ZFHX3: variants seen among roughly 807,000 people sequenced by gnomAD.
The protein encoded by ZFHX3 is zinc finger homeobox 3.
Under a neutral mutation model 279.1 loss-of-function variants are expected in ZFHX3, and 42 were observed. That is an observed-to-expected ratio of 0.15 (90% confidence interval 0.12 to 0.19). ZFHX3 has a LOEUF of 0.19. ZFHX3 is among the 10% of genes least tolerant of loss of function. The pLI, the probability that ZFHX3 is intolerant of heterozygous loss-of-function variation, is 1.00. For missense variants in ZFHX3, 4,981 were observed against 4,754.0 expected (o/e 1.05, Z -1.40); for synonymous variants, 2,293 against 1,957.8 (o/e 1.17, Z -4.52).
chr16:73,145,726 G>A (rs967641880), intron 5 of ZFHX3, among the ~76,000 whole-genome samples: 1 of 152,248 alleles, frequency 6.6e-6, no homozygotes, highest in Admixed American at 6.5e-5. Context: ...AGAGCTATGA[G>A]AGGTGATACC....
chr16:72,860,992 C>T (rs1424535912), intron 4 of ZFHX3, among the ~76,000 whole-genome samples: 1 of 152,160 alleles, frequency 6.6e-6, no homozygotes, highest in Non-Finnish European at 1.5e-5. Flanking sequence ...CACCACTTGC[C>T]ACCACTTTTC....
At chr16:73,741,156 G>T (rs2053654278) in intron 1 of ZFHX3, among the ~76,000 whole-genome samples, 1 of 150,568 alleles carries the variant, frequency 6.6e-6, no homozygotes, top group Non-Finnish European at 1.5e-5. Flanking sequence ...TCAGCCTCCT[G>T]AGTAGGTGGG....
Position 73,791,780 on chromosome 16 carries a change from C to T in ZFHX3, c.-1608+99871G>A, listed in dbSNP as rs563605083. Among the ~76,000 whole-genome samples, 7 of 152,268 alleles carry T rather than the reference C, an allele frequency of 4.6e-5. No homozygotes were observed. In the East Asian group the frequency reaches 9.6e-4, roughly 21 times the overall value. On this transcript the variant is annotated intron_variant, in intron 1 of 17. Coordinates refer to the ZFHX3 transcript ENST00000641206. ...ACGCTAATGTTGCAGGTCTGGGAAC[C>T]GCACTTGCAAACCACTGGTTTAGAA... is the stretch of plus-strand genomic sequence containing the variant.
At chr16:73,524,252 G>A (rs1305503055) in intron 2 of ZFHX3, among the ~76,000 whole-genome samples, 1 of 152,124 alleles carries the variant, frequency 6.6e-6, no homozygotes, top group Non-Finnish European at 1.5e-5. Flanking sequence ...CCTATTACTT[G>A]GCTTTCTCCC....
chr16:73,190,157 A>G (rs1967998218), intron 5 of ZFHX3, among the ~76,000 whole-genome samples: 1 of 152,208 alleles, frequency 6.6e-6, no homozygotes, highest in African/African-American at 2.4e-5. Context: ...ACTCACCTTA[A>G]GGAACGCACC....
At chr16:73,395,953 T>G (rs1162471575) in intron 3 of ZFHX3, among the ~76,000 whole-genome samples, 1 of 152,236 alleles carries the variant, frequency 6.6e-6, no homozygotes, top group Non-Finnish European at 1.5e-5. Context: ...GTTATACTTT[T>G]AACAAGGTTT....
intron 2 of ZFHX3, among the ~76,000 whole-genome samples, chr16:73,570,458 A>C (rs980278531): frequency 6.6e-6 from 1 of 152,160 alleles, no homozygotes; most frequent in Non-Finnish European, 1.5e-5. Context: ...TCTAGTTTAG[A>C]CCTTTATATC....
At chr16:73,660,491 TCTGCCA>T (rs2052770034) in intron 2 of ZFHX3, among the ~76,000 whole-genome samples, 3 of 152,234 alleles carry the variant, frequency 2.0e-5, no homozygotes, top group African/African-American at 2.4e-5. Flanking sequence ...CTGCTCCTTC[TCTGCCA>T]CAATTAAGAA....
At chr16:73,591,692 C>CAAA (rs57402211) in intron 2 of ZFHX3, among the ~76,000 whole-genome samples, 920 of 33,410 alleles carry the variant, frequency 0.028, 194 homozygotes, top group Middle Eastern at 0.12. Context: ...GACTCTGTCT[C>CAAA]AAAAAAAAAA....
rs1279076695 is a variant in ZFHX3, at chr16:72,788,001, T to C, written c.10275A>G (p.Lys3425=). Residue 3425 remains lysine (K), a synonymous_variant, in exon 10 of 10, where the codon AAA becomes AAG. Transcript: ENST00000268489. ...GGGGGGACACCTCACGGGGGGTGTTTTTCTGTTCTTCTGGTTTGGGGGATT... is the reference window on the plus strand; with the variant it reads ...GGGGGGACACCTCACGGGGGGTGTTCTTCTGTTCTTCTGGTTTGGGGGATT... ...AKESPKPEEQ[K]NTPREVSPLL... is the part of the protein sequence containing the mutation. The C allele has an allele frequency of 6.8e-6, 11 of 1,613,088 alleles. No individual in the cohort carries two copies. Among genetic ancestry groups the C allele is most frequent in the Non-Finnish European group, 9.3e-6 (11 of 1,179,802 alleles).
chr16:73,384,681 C>G (rs2016869321), intron 3 of ZFHX3, among the ~76,000 whole-genome samples: 1 of 152,212 alleles, frequency 6.6e-6, no homozygotes, highest in South Asian at 2.1e-4. Flanking sequence ...GCAGCATACA[C>G]AGCATACACC....
Position 72,783,462 on chromosome 16 carries a change from G to T in ZFHX3, c.*3702C>A, listed in dbSNP as rs926844363. The T allele has an allele frequency of 1.3e-5, 2 of 152,522 alleles. No individual in the cohort carries two copies. Among genetic ancestry groups the T allele is most frequent in the Admixed American group, 1.3e-4 (2 of 15,268 alleles). The allele number at this position is 152,522 out of a possible 1,614,324, so 9.4% of individuals were successfully genotyped here. On this transcript the variant is annotated 3_prime_UTR_variant, in exon 10 of 10. Coordinates refer to ENST00000268489, the MANE Select transcript of ZFHX3 (RefSeq NM_006885.4). The stretch of plus-strand genomic sequence containing the variant: ...ATCAAGTGCACTGGCTTGGGTCACT[G>T]CCTCTCTCTCCTGCAACTTCCTGCC...
chr16:73,855,524 G>GAGGAGT (rs1326656070), intron 1 of ZFHX3, among the ~76,000 whole-genome samples: 1 of 152,032 alleles, frequency 6.6e-6, no homozygotes, highest in African/African-American at 2.4e-5. Flanking sequence ...GGAGGAGGAG[G>GAGGAGT]AGGAATATTC....
intron 3 of ZFHX3, among the ~76,000 whole-genome samples, chr16:73,433,089 G>C (rs552290180): frequency 6.6e-6 from 1 of 152,212 alleles, no homozygotes; most frequent in Non-Finnish European, 1.5e-5. Context: ...CCTGGCTGGG[G>C]GGATGGAAGG....
At chr16:73,619,844 T>C (rs1462887702) in intron 2 of ZFHX3, among the ~76,000 whole-genome samples, 1 of 152,182 alleles carries the variant, frequency 6.6e-6, no homozygotes, top group African/African-American at 2.4e-5. Context: ...ATCCCACGTC[T>C]CAAGTTTTTC....
chr16:73,114,265 T>A (rs1368013541), intron 7 of ZFHX3, among the ~76,000 whole-genome samples: 1 of 152,122 alleles, frequency 6.6e-6, no homozygotes, highest in East Asian at 1.9e-4. Flanking sequence ...ATGTTACTCA[T>A]TTTCTGAGGC....
intron 3 of ZFHX3, among the ~76,000 whole-genome samples, chr16:73,334,425 A>G (rs938616395): frequency 1.3e-5 from 2 of 152,168 alleles, no homozygotes; most frequent in African/African-American, 4.8e-5. Context: ...GACAAATAGA[A>G]TAATAAACTT....
intron 1 of ZFHX3, among the ~76,000 whole-genome samples, chr16:73,833,147 G>C (rs947210775): frequency 6.6e-6 from 1 of 152,098 alleles, no homozygotes; most frequent in African/African-American, 2.4e-5. Context: ...AGGATTGCTC[G>C]AGGCCAGGAG....
At chr16:72,810,035 C>T (rs539319862) in intron 7 of ZFHX3, among the ~76,000 whole-genome samples, 4 of 151,030 alleles carry the variant, frequency 2.6e-5, no homozygotes, top group South Asian at 2.1e-4. Context: ...CCTGCCACCA[C>T]GCCCGGCTAA....
Sources: gnomAD v4.1 joint callset for allele counts (sites outside exome capture counted in the v4.1 genomes callset) on GRCh38, gnomAD v4.1.1 for gene constraint, MANE v1.5 for transcripts, NCBI Gene and HGNC (gene_info 2026-07-23, HGNC 2026-07-21) for gene names.